ACOXL: variants seen among roughly 807,000 people sequenced by gnomAD.
ACOXL encodes acyl-CoA oxidase like.
In ACOXL, 70 loss-of-function variants were observed where a neutral mutation model predicts 71.9. The ratio of observed to expected loss-of-function variants is 0.97; its 90% CI spans 0.80 to 1.19. ACOXL has a LOEUF of 1.19. ACOXL is among the 50% of genes most tolerant of loss of function. The pLI, the probability that ACOXL is intolerant of heterozygous loss-of-function variation, is 0.00. For missense variants in ACOXL, 703 were observed against 736.3 expected, an observed-to-expected ratio of 0.95 and a Z score of 0.52; for synonymous variants, 253 against 281.6, an observed-to-expected ratio of 0.90 and a Z score of 1.02.
intron 10 of ACOXL, among the ~76,000 whole-genome samples, chr2:110,869,222 C>T (rs945182765): frequency 8.5e-5 from 13 of 152,260 alleles, no homozygotes; most frequent in Admixed American, 3.9e-4. Flanking sequence ...CCCTGGGGCC[C>T]ACCGGCATTG....
intron 14 of ACOXL, among the ~76,000 whole-genome samples, chr2:111,018,297 C>T (rs888643913): frequency 6.6e-6 from 1 of 152,080 alleles, no homozygotes; most frequent in Non-Finnish European, 1.5e-5. Context: ...GCTAGGATAG[C>T]CGTGAGACTG....
At chr2:111,089,707 T>A (rs2068420687) in intron 16 of ACOXL, among the ~76,000 whole-genome samples, 1 of 152,256 alleles carries the variant, frequency 6.6e-6, no homozygotes, top group African/African-American at 2.4e-5. Context: ...GTTCAAATGC[T>A]TGATATAAAC....
At chr2:110,868,040 T>G (rs913298634) in intron 10 of ACOXL, among the ~76,000 whole-genome samples, 1 of 152,170 alleles carries the variant, frequency 6.6e-6, no homozygotes, top group Admixed American at 6.6e-5. Flanking sequence ...GGATTACAGG[T>G]GCAAGCCACC....
At position 111,103,571 on chromosome 2, in the gene ACOXL, C is replaced by T. The variant is rs1405449103; in HGVS notation, c.1542+10605C>T. The stretch of plus-strand genomic sequence containing the variant: ...GTCCAGTTCAGGTGTATGACTTTTT[C>T]GGGACTTTGGGGATGCAGGTGTCCT... On this transcript the variant is annotated intron_variant, in intron 17 of 17. Transcript: ENST00000439055. Among the ~76,000 whole-genome samples the T allele has an allele frequency of 5.3e-5, 8 of 152,228 alleles. No individual in the cohort carries two copies. The East Asian group carries it at 1.4e-3, about 26-fold the overall frequency.
rs1378541722 is a variant in ACOXL, at chr2:110,921,915, A to G, written c.906-11574A>G. ...TATTTATAACTGCTGTCATGGTCCAATAACATCCTTTGTATGAATTTTATT... is the reference window on the plus strand; with the variant it reads ...TATTTATAACTGCTGTCATGGTCCAGTAACATCCTTTGTATGAATTTTATT... On this transcript the variant is annotated intron_variant, in intron 11 of 17. Coordinates refer to ENST00000439055, the MANE Select transcript of ACOXL (RefSeq NM_001142807.4). 7.9e-5 allele frequency among the ~76,000 whole-genome samples: 12 copies of G among 152,340 alleles called. No individual in the cohort carries two copies. The East Asian group carries it at 2.1e-3, about 27-fold the overall frequency.
intron 2 of ACOXL, among the ~76,000 whole-genome samples, chr2:110,782,409 T>C (rs1197117263): frequency 6.6e-6 from 1 of 152,258 alleles, no homozygotes; most frequent in East Asian, 1.9e-4. Context: ...TATATACCAG[T>C]AAGGCAGTCA....
chr2:111,009,319 GC>G (rs1198303207), intron 14 of ACOXL, among the ~76,000 whole-genome samples: 2 of 152,012 alleles, frequency 1.3e-5, no homozygotes, highest in African/African-American at 2.4e-5. Context: ...TTCGAGACCA[GC>G]CTGGCCAACA....
chr2:111,047,820 A>C (rs1489230329), intron 15 of ACOXL, among the ~76,000 whole-genome samples: 6 of 152,254 alleles, frequency 3.9e-5, no homozygotes, highest in African/African-American at 1.4e-4. Context: ...TGTGGAAGGC[A>C]ACATTGATCT....
intron 12 of ACOXL, among the ~76,000 whole-genome samples, chr2:110,982,913 T>C (rs2149532257): frequency 6.6e-6 from 1 of 152,314 alleles, no homozygotes; most frequent in East Asian, 1.9e-4. Flanking sequence ...CTCATCATCA[T>C]AAAATTCTTA....
At chr2:110,850,136 T>C (rs1195792617) in intron 10 of ACOXL, among the ~76,000 whole-genome samples, 4 of 152,212 alleles carry the variant, frequency 2.6e-5, no homozygotes, top group Non-Finnish European at 5.9e-5. Context: ...AACCTAAATG[T>C]AAAGCCTAAA....
At chr2:110,939,668 G>A (rs949715721) in intron 12 of ACOXL, among the ~76,000 whole-genome samples, 2 of 152,194 alleles carry the variant, frequency 1.3e-5, no homozygotes, top group African/African-American at 4.8e-5. Context: ...TGGGAATCAA[G>A]TATTTAAATC....
intron 16 of ACOXL, among the ~76,000 whole-genome samples, chr2:111,059,448 T>C (rs2066698728): frequency 6.6e-6 from 1 of 152,198 alleles, no homozygotes; most frequent in African/African-American, 2.4e-5. Context: ...CTATTAAAAG[T>C]GGAAGGCTCT....
Position 110,960,685 on chromosome 2 carries a change from T to G in ACOXL, c.1060-26423T>G, listed in dbSNP as rs542986885. On this transcript the variant is annotated intron_variant, in intron 12 of 17. Transcript: ENST00000439055. ...TTTTGGGTTTTTTTTTTTTAATGTA[T>G]AAATTTTCTGGGTTTTTTTTTTTAA... Among the ~76,000 whole-genome samples the G allele has an allele frequency of 9.5e-4, 128 of 134,734 alleles. 1 individual carries two copies. Among genetic ancestry groups the G allele is most frequent in the African/African-American group, 3.1e-3 (120 of 38,468 alleles). The allele number at this position is 134,734 out of a possible 152,430, so 88.4% of individuals were successfully genotyped here.
At chr2:110,899,914 GGC>G (rs1254982703) in intron 10 of ACOXL, among the ~76,000 whole-genome samples, 1 of 152,034 alleles carries the variant, frequency 6.6e-6, no homozygotes, top group Non-Finnish European at 1.5e-5. Context: ...AAGAACTCGC[GGC>G]TTCTATGGCA....
At chr2:110,749,812 G>A (rs1054465723) in intron 1 of ACOXL, among the ~76,000 whole-genome samples, 3 of 152,136 alleles carry the variant, frequency 2.0e-5, no homozygotes, top group Non-Finnish European at 4.4e-5. Flanking sequence ...TCTGCTCCAG[G>A]GTCCTATCCA....
chr2:110,889,539 T>C (rs1255050180), intron 10 of ACOXL, among the ~76,000 whole-genome samples: 1 of 152,208 alleles, frequency 6.6e-6, no homozygotes, highest in Non-Finnish European at 1.5e-5. Flanking sequence ...ATCCACTTTC[T>C]GTCTCTATAG....
At chr2:111,096,677 AT>A (rs2068820350) in intron 17 of ACOXL, among the ~76,000 whole-genome samples, 1 of 152,046 alleles carries the variant, frequency 6.6e-6, no homozygotes, top group Non-Finnish European at 1.5e-5. Context: ...AAGTCTATTT[AT>A]TTTTGTGTCT....
chr2:110,773,640 G>A (rs1288596289), intron 2 of ACOXL, among the ~76,000 whole-genome samples: 1 of 152,190 alleles, frequency 6.6e-6, no homozygotes, highest in African/African-American at 2.4e-5. Flanking sequence ...TCCCTCTTGG[G>A]CCTCTGGCTT....
intron 17 of ACOXL, among the ~76,000 whole-genome samples, chr2:111,116,988 G>A (rs2070403555): frequency 6.6e-6 from 1 of 152,214 alleles, no homozygotes; most frequent in Non-Finnish European, 1.5e-5. Context: ...CTTGGCATTG[G>A]CGTTAACAGC....
Sources: allele counts gnomAD v4.1 joint callset (sites outside exome capture counted in the v4.1 genomes callset), GRCh38; gene constraint gnomAD v4.1.1; transcripts MANE v1.5; gene names NCBI Gene and HGNC (gene_info 2026-07-23, HGNC 2026-07-21).